Variants in MRAS observed in about 807,000 individuals in gnomAD.
The protein encoded by MRAS is muscle RAS oncogene homolog, also known as ras-related protein M-Ras.
A neutral mutation model predicts 20.9 loss-of-function variants in MRAS; 4 were observed. The ratio of observed to expected loss-of-function variants is 0.19; its 90% CI spans 0.09 to 0.44. The LOEUF (loss-of-function observed/expected upper bound fraction) is 0.44, where lower values mean the gene tolerates loss of function less well. MRAS is among the 20% of genes least tolerant of loss of function. The pLI, the probability that MRAS is intolerant of heterozygous loss-of-function variation, is 0.99. For missense variants in MRAS, 154 were observed against 277.5 expected (o/e 0.56, Z 3.16); for synonymous variants, 98 against 102.9 (o/e 0.95, Z 0.29).
chr3:138,356,435 T>C (rs1408954571), intron 1 of MRAS, among the ~76,000 whole-genome samples: 1 of 152,190 alleles, frequency 6.6e-6, no homozygotes, highest in Admixed American at 6.5e-5. Flanking sequence ...CTTTTTTTCC[T>C]GATCCTTTAG....
chr3:138,377,465 A>G (rs2054808241), intron 2 of MRAS, among the ~76,000 whole-genome samples: 1 of 152,224 alleles, frequency 6.6e-6, no homozygotes, highest in Non-Finnish European at 1.5e-5. Context: ...AAAATTAGCC[A>G]GGCCTGGTGG....
At chr3:138,364,969 C>T (rs1196113442) in intron 1 of MRAS, among the ~76,000 whole-genome samples, 1 of 152,212 alleles carries the variant, frequency 6.6e-6, no homozygotes, top group Non-Finnish European at 1.5e-5. Flanking sequence ...CTGCCCTGGC[C>T]TGACTGTACA....
chr3:138,377,499 G>T (rs962707337), intron 2 of MRAS, among the ~76,000 whole-genome samples: 2 of 152,178 alleles, frequency 1.3e-5, no homozygotes, highest in Non-Finnish European at 2.9e-5. Flanking sequence ...AGCTACTCGG[G>T]AGCCTGAGGC....
intron 1 of MRAS, among the ~76,000 whole-genome samples, chr3:138,352,059 C>A (rs13324341): frequency 6.6e-6 from 1 of 152,108 alleles, no homozygotes; most frequent in Admixed American, 6.5e-5. Flanking sequence ...GCCAAGAGTA[C>A]AAATAGAGTG....
chr3:138,372,679 C>T (rs1236685528), intron 1 of MRAS, among the ~76,000 whole-genome samples, 187 bp from the exon 2 acceptor site: 2 of 152,226 alleles, frequency 1.3e-5, no homozygotes, highest in African/African-American at 4.8e-5. Context: ...TTGAATAAAT[C>T]ACTTTAACAG....
At chr3:138,364,218 G>A (rs1273212594) in intron 1 of MRAS, among the ~76,000 whole-genome samples, 3 of 152,168 alleles carry the variant, frequency 2.0e-5, no homozygotes, top group African/African-American at 4.8e-5. Context: ...GCTGAGCTGT[G>A]TTGAACTGTC....
intron 2 of MRAS, among the ~76,000 whole-genome samples, chr3:138,385,156 ATTTTTTTT>A (rs34770279): frequency 5.3e-4 from 35 of 66,502 alleles, no homozygotes; most frequent in African/African-American, 1.0e-3. Flanking sequence ...TTGATTTGTA[ATTTTTTTT>A]TTTTTTTTTT....
intron 2 of MRAS, among the ~76,000 whole-genome samples, chr3:138,375,198 T>A (rs2054758502): frequency 1.3e-5 from 2 of 152,218 alleles, no homozygotes; most frequent in African/African-American, 4.8e-5. Flanking sequence ...TTGATTTTTT[T>A]AATATTAAAC....
rs192736177 is a variant in MRAS at position 138,359,487 on chromosome 3, C to T, written c.-19+10720C>T. ...GCCTCTCCCCACCTCAAGGAAGAAC[C>T]TAGACCCTATGTCTTTCTTATTTTT... is the stretch of plus-strand genomic sequence containing the variant. On this transcript the variant is annotated intron_variant, in intron 1 of 5. Coordinates refer to ENST00000423968, the MANE Select transcript of MRAS (RefSeq NM_001085049.3). Among the ~76,000 whole-genome samples the T allele has an allele frequency of 2.0e-5, 3 of 152,340 alleles. No individual in the cohort carries two copies. In the East Asian group the frequency reaches 5.8e-4, roughly 29 times the overall value.
chr3:138,394,168 G>A (rs1306872067), intron 2 of MRAS, among the ~76,000 whole-genome samples: 1 of 151,896 alleles, frequency 6.6e-6, no homozygotes, highest in African/African-American at 2.4e-5. Flanking sequence ...GGAAATACTG[G>A]GGAAACTGCC....
intron 5 of MRAS, 44 bp downstream of exon 5, chr3:138,400,657 G>T (rs1038777453): frequency 6.5e-7 from 1 of 1,533,696 alleles, no homozygotes; most frequent in East Asian, 2.3e-5. Context: ...CACAGCATGG[G>T]TTGGCTCCTG....
intron 2 of MRAS, among the ~76,000 whole-genome samples, chr3:138,386,675 G>T (rs2055022253): frequency 6.6e-6 from 1 of 152,112 alleles, no homozygotes; most frequent in African/African-American, 2.4e-5. Flanking sequence ...GTAGCGAGGG[G>T]GTTTCACCAG....
chr3:138,377,557 T>G (rs1456884117), intron 2 of MRAS, among the ~76,000 whole-genome samples: 1 of 152,240 alleles, frequency 6.6e-6, no homozygotes, highest in Non-Finnish European at 1.5e-5. Context: ...TGAGTAACTC[T>G]GAACCTTTCT....
chr3:138,366,594 CAACAATG>C (rs993289878), intron 1 of MRAS, among the ~76,000 whole-genome samples: 11 of 152,330 alleles, frequency 7.2e-5, no homozygotes, highest in African/African-American at 2.4e-4. Context: ...AGGGAAGCAG[CAACAATG>C]ATGAAGAATG....
intron 1 of MRAS, among the ~76,000 whole-genome samples, chr3:138,362,052 T>G (rs1220446584): frequency 6.6e-6 from 1 of 152,262 alleles, no homozygotes; most frequent in African/African-American, 2.4e-5. Context: ...TCCCGGTTGT[T>G]GGTTGCTGGG....
At chr3:138,371,439 A>G (rs189105734) in intron 1 of MRAS, among the ~76,000 whole-genome samples, 1 of 152,316 alleles carries the variant, frequency 6.6e-6, no homozygotes, top group East Asian at 1.9e-4. Flanking sequence ...TAAGGAAACT[A>G]TGGCTCAGAG....
At chr3:138,371,609 T>G (rs1371484841) in intron 1 of MRAS, among the ~76,000 whole-genome samples, 1 of 152,142 alleles carries the variant, frequency 6.6e-6, no homozygotes, top group Non-Finnish European at 1.5e-5. Context: ...TTCTTTCTTT[T>G]CTTCTACACA....
intron 1 of MRAS, among the ~76,000 whole-genome samples, chr3:138,366,194 A>G (rs2054556846): frequency 6.6e-6 from 1 of 152,214 alleles, no homozygotes; most frequent in South Asian, 2.1e-4. Flanking sequence ...AGGGAAGGGC[A>G]GCTCCTGGAA....
intron 2 of MRAS, among the ~76,000 whole-genome samples, chr3:138,389,414 A>G (rs2108547635): frequency 6.6e-6 from 1 of 151,386 alleles, no homozygotes; most frequent in Admixed American, 6.6e-5. Flanking sequence ...GAAGGGCTCA[A>G]AGATGGAGGT....
Sources: gnomAD v4.1 joint callset for allele counts (sites outside exome capture counted in the v4.1 genomes callset) on GRCh38, gnomAD v4.1.1 for gene constraint, MANE v1.5 for transcripts, NCBI Gene and HGNC (gene_info 2026-07-23, HGNC 2026-07-21) for gene names.